Variants in NGEF observed in about 807,000 individuals in gnomAD.
NGEF encodes the protein ephexin-1.
Under a neutral mutation model 80.9 loss-of-function variants are expected in NGEF, and 31 were observed. The observed-to-expected ratio is 0.38, with a 90% CI of 0.29 to 0.52. The LOEUF (loss-of-function observed/expected upper bound fraction) is 0.52, where lower values mean the gene tolerates loss of function less well. Ranked by LOEUF, NGEF falls within the 20% of genes least tolerant of loss-of-function variation. NGEF has a pLI of 0.84. For synonymous variants in NGEF, 371 were observed against 370.2 expected (o/e 1.00, Z -0.03); for missense variants, 709 against 926.2 (o/e 0.77, Z 3.04).
At chr2:232,932,215 A>T (rs1693230275) in intron 3 of NGEF, among the ~76,000 whole-genome samples, 1 of 129,090 alleles carries the variant, frequency 7.7e-6, no homozygotes, top group Admixed American at 9.4e-5. Flanking sequence ...CCCAGGCTGG[A>T]GTGCAGTGGC....
chr2:232,938,351 C>A (rs1039128179), intron 3 of NGEF, among the ~76,000 whole-genome samples: 1 of 152,144 alleles, frequency 6.6e-6, no homozygotes, highest in African/African-American at 2.4e-5. Flanking sequence ...TATCGCATAG[C>A]CTTCATGGAA....
chr2:232,882,325 G>A, intron 12 of NGEF, 60 bp from the exon 13 acceptor site: 1 of 1,456,302 alleles, frequency 6.9e-7, no homozygotes, highest in Non-Finnish European at 9.6e-7. Context: ...CCCAACGTGT[G>A]GCACGAGGCT....
intron 3 of NGEF, among the ~76,000 whole-genome samples, chr2:232,948,968 A>G (rs2106303804): frequency 6.6e-6 from 1 of 152,312 alleles, no homozygotes; most frequent in African/African-American, 2.4e-5. Flanking sequence ...CAGTGAGCCA[A>G]GATCACGCCA....
chr2:232,894,937 G>C, intron 5 of NGEF, 21 bp from the exon 6 acceptor site: 2 of 1,549,274 alleles, frequency 1.3e-6, no homozygotes, highest in South Asian at 2.3e-5. Flanking sequence ...GAGACCCCAT[G>C]GTTACCGCCT....
intron 1 of NGEF, among the ~76,000 whole-genome samples, chr2:232,982,235 C>T (rs1228360657): frequency 6.6e-6 from 1 of 152,136 alleles, no homozygotes; most frequent in African/African-American, 2.4e-5. Flanking sequence ...ACAGGGCATC[C>T]GTGGAGATTG....
chr2:232,913,286 G>A (rs1692726608), intron 5 of NGEF, among the ~76,000 whole-genome samples: 1 of 152,190 alleles, frequency 6.6e-6, no homozygotes, highest in Non-Finnish European at 1.5e-5. Context: ...CCAAGTGTTT[G>A]GAGATTTTCT....
At chr2:233,005,610 T>C (rs1695069039) in intron 1 of NGEF, among the ~76,000 whole-genome samples, 1 of 152,158 alleles carries the variant, frequency 6.6e-6, no homozygotes, top group Non-Finnish European at 1.5e-5. Flanking sequence ...GGTTTGAAGA[T>C]GCTATGCTGC....
chr2:232,930,342 T>C (rs1409145235), intron 3 of NGEF, among the ~76,000 whole-genome samples: 3 of 145,946 alleles, frequency 2.1e-5, no homozygotes, highest in Non-Finnish European at 4.5e-5. Flanking sequence ...TTTTTTGAAA[T>C]GGACTCTCGC....
At chr2:232,928,093 G>A (rs1003580778) in intron 3 of NGEF, 4 of 1,083,790 alleles carry the variant, frequency 3.7e-6, no homozygotes, top group African/African-American at 3.4e-5. Flanking sequence ...GCGGAGCGGG[G>A]TCGCAGCGCG....
At chr2:232,940,764 T>G (rs1048037535) in intron 3 of NGEF, among the ~76,000 whole-genome samples, 3 of 152,186 alleles carry the variant, frequency 2.0e-5, no homozygotes, top group Non-Finnish European at 4.4e-5. Flanking sequence ...ATAAATAGAC[T>G]TTTATATGTG....
intron 8 of NGEF, among the ~76,000 whole-genome samples, chr2:232,889,672 A>C (rs1305727391): frequency 6.6e-6 from 1 of 152,214 alleles, no homozygotes; most frequent in East Asian, 1.9e-4. Context: ...CGTTCATCAC[A>C]GGTGTCTTCC....
At chr2:233,011,370 G>A (rs1250537731) in intron 1 of NGEF, among the ~76,000 whole-genome samples, 9 of 152,098 alleles carry the variant, frequency 5.9e-5, no homozygotes, top group African/African-American at 1.4e-4. Context: ...GGGAAGGGAC[G>A]TCATCTTGGG....
At chr2:232,960,724 C>T (rs1472548783) in intron 3 of NGEF, among the ~76,000 whole-genome samples, 1 of 152,130 alleles carries the variant, frequency 6.6e-6, no homozygotes, top group Non-Finnish European at 1.5e-5. Flanking sequence ...ACTAAAATTA[C>T]AAAATTAGCC....
At chr2:232,887,885 T>C (rs1691743629) in intron 9 of NGEF, 148 bp downstream of exon 9, 1 of 705,642 alleles carries the variant, frequency 1.4e-6, no homozygotes, top group Non-Finnish European at 2.6e-6. Flanking sequence ...TAAGCCCCAG[T>C]GACTCTTTTG....
intron 1 of NGEF, among the ~76,000 whole-genome samples, chr2:233,000,574 G>C (rs995066207): frequency 9.9e-5 from 15 of 151,988 alleles, no homozygotes; most frequent in African/African-American, 3.1e-4. Context: ...TGGCTAACAC[G>C]GTGAAACCCC....
intron 1 of NGEF, among the ~76,000 whole-genome samples, chr2:232,997,737 C>T (rs553163972): frequency 6.6e-6 from 1 of 152,204 alleles, no homozygotes; most frequent in Admixed American, 6.5e-5. Context: ...GCCCTCTGCT[C>T]TCCAGGGCCC....
At chr2:232,957,449 A>G (rs546789269) in intron 3 of NGEF, among the ~76,000 whole-genome samples, 26 of 152,036 alleles carry the variant, frequency 1.7e-4, no homozygotes, top group Non-Finnish European at 3.5e-4. Flanking sequence ...CAGCCTCCCA[A>G]GTAGCTGGGA....
At chr2:232,970,125 C>A in intron 3 of NGEF, 89 bp downstream of exon 3, 1 of 576,910 alleles carries the variant, frequency 1.7e-6, no homozygotes, top group Non-Finnish European at 2.9e-6. Flanking sequence ...TTTAACATGA[C>A]ACCCTCGTAA....
chr2:232,941,705 A>G (rs1487118813), intron 3 of NGEF, among the ~76,000 whole-genome samples: 1 of 152,214 alleles, frequency 6.6e-6, no homozygotes, highest in Non-Finnish European at 1.5e-5. Flanking sequence ...ATGGGTTTAA[A>G]GCGTTCACGT....
Sources: gnomAD v4.1 joint callset for allele counts (sites outside exome capture counted in the v4.1 genomes callset) on GRCh38, gnomAD v4.1.1 for gene constraint, MANE v1.5 for transcripts, NCBI Gene and HGNC (gene_info 2026-07-23, HGNC 2026-07-21) for gene names.